The following KIF16B variants were observed in gnomAD, a reference collection of about 807,000 sequenced individuals.
KIF16B encodes kinesin-like protein KIF16B.
Under a neutral mutation model 156.3 loss-of-function variants are expected in KIF16B, and 98 were observed. The ratio of observed to expected loss-of-function variants is 0.63; its 90% CI spans 0.53 to 0.74. KIF16B has a LOEUF of 0.74. Among genes scored for constraint, KIF16B ranks in the 30% least tolerant of loss-of-function variants. KIF16B has a pLI of 0.00. For missense variants in KIF16B, 1,421 were observed against 1,606.5 expected, an observed-to-expected ratio of 0.88 and a Z score of 1.97; for synonymous variants, 564 against 583.7, an observed-to-expected ratio of 0.97 and a Z score of 0.49.
chr20:16,318,034 T>A (rs950402940), intron 24 of KIF16B, among the ~76,000 whole-genome samples: 1 of 151,946 alleles, frequency 6.6e-6, no homozygotes, highest in Non-Finnish European at 1.5e-5. Flanking sequence ...AAGGAAAAAA[T>A]TGGTGAAAAC....
rs1468719344 is a variant in KIF16B, at chr20:16,427,207, G to A, written c.1509C>T (p.Cys503=). 1 of 1,612,864 alleles carries A rather than the reference G, an allele frequency of 6.2e-7. No individual in the cohort carries two copies. Among genetic ancestry groups the A allele is most frequent in the South Asian group, 1.1e-5 (1 of 90,920 alleles). ...CTGTCCCCCCGATATTTTCAAAGAT[G>A]CAATGCTCACTCTCCAAGTCAAGGC... is the stretch of plus-strand genomic sequence containing the variant. ...LHGLDLESEH[C]IFENIGGTVT... The change falls in exon 15 of 26, where the codon TGC becomes TGT. Residue 503 remains cysteine (C), a synonymous_variant. Transcript: ENST00000354981.
chr20:16,293,854 C>CCT (rs2063345647), intron 25 of KIF16B, among the ~76,000 whole-genome samples: 1 of 152,116 alleles, frequency 6.6e-6, no homozygotes, highest in African/African-American at 2.4e-5. Flanking sequence ...TCACCACAGT[C>CCT]CTGACTCAGT....
chr20:16,275,574 T>C (rs886235887), intron 25 of KIF16B, among the ~76,000 whole-genome samples: 14 of 152,190 alleles, frequency 9.2e-5, no homozygotes, highest in African/African-American at 3.4e-4. Flanking sequence ...AGGCTAGTAA[T>C]CTAGAGAGAA....
chr20:16,459,808 T>A (rs912503318), intron 12 of KIF16B, among the ~76,000 whole-genome samples: 1 of 152,204 alleles, frequency 6.6e-6, no homozygotes, highest in African/African-American at 2.4e-5. Flanking sequence ...GAATCTCATA[T>A]GAGTGAAAGT....
chr20:16,561,012 G>A (rs995580186), intron 1 of KIF16B, among the ~76,000 whole-genome samples: 3 of 151,546 alleles, frequency 2.0e-5, no homozygotes, highest in South Asian at 2.1e-4. Context: ...TAGAGAGGCC[G>A]GGCGCAGTGG....
chr20:16,329,117 G>A (rs2063906023), intron 24 of KIF16B, among the ~76,000 whole-genome samples: 1 of 152,194 alleles, frequency 6.6e-6, no homozygotes. Context: ...CCAGCCTCAT[G>A]TCATCCAACT....
intron 12 of KIF16B, among the ~76,000 whole-genome samples, chr20:16,436,137 A>AT (rs542239979): frequency 1.4e-5 from 2 of 148,090 alleles, no homozygotes; most frequent in East Asian, 2.0e-4. Flanking sequence ...ATTGTTCTAC[A>AT]TTTTTTTCAT....
chr20:16,330,492 T>C (rs1192248107), intron 24 of KIF16B, among the ~76,000 whole-genome samples: 1 of 152,206 alleles, frequency 6.6e-6, no homozygotes, highest in Non-Finnish European at 1.5e-5. Context: ...TAAGCAATTA[T>C]CAGATTTCTT....
chr20:16,442,363 T>C (rs1421874903), intron 12 of KIF16B, among the ~76,000 whole-genome samples: 1 of 151,500 alleles, frequency 6.6e-6, no homozygotes, highest in Non-Finnish European at 1.5e-5. Flanking sequence ...TATATATATA[T>C]ATATAAAATA....
At chr20:16,326,019 G>A (rs1052948472) in intron 24 of KIF16B, among the ~76,000 whole-genome samples, 1 of 152,034 alleles carries the variant, frequency 6.6e-6, no homozygotes, top group Non-Finnish European at 1.5e-5. Flanking sequence ...ACTGATCTTT[G>A]ACAAAGCAAA....
At chr20:16,438,654 C>T (rs1045809400) in intron 12 of KIF16B, among the ~76,000 whole-genome samples, 7 of 152,238 alleles carry the variant, frequency 4.6e-5, no homozygotes, top group Admixed American at 4.6e-4. Flanking sequence ...GTCAGTGAAG[C>T]TCTGTCAACT....
rs199571075 is a variant in KIF16B at position 16,378,979 on chromosome 20, G to A, written c.3023C>T (p.Ala1008Val). The change falls in exon 19 of 26, where the codon GCC becomes GTC. Residue 1008 changes from alanine (A) to valine (V), a missense_variant. Ala to Val is a moderately conservative substitution (Grantham distance 64). Transcript: ENST00000354981. ...EKQQREALER[A>V]LARLERRHSA... ...ATGTCTCCTCTCCAGCCTGGCCAGG[G>A]CCCGCTCCAGCGCCTCTCTCTGCTG... 1.2e-6 allele frequency: 2 copies of A among 1,614,104 alleles called. No homozygotes were observed. Among genetic ancestry groups the A allele is most frequent in the East Asian group, 2.2e-5 (1 of 44,866 alleles).
chr20:16,284,692 A>G (rs2063197406), intron 25 of KIF16B, among the ~76,000 whole-genome samples: 1 of 152,140 alleles, frequency 6.6e-6, no homozygotes, highest in East Asian at 1.9e-4. Flanking sequence ...TTACAACGGC[A>G]CCGGGGGGTC....
At chr20:16,359,745 T>C (rs1411758785) in intron 22 of KIF16B, among the ~76,000 whole-genome samples, 1 of 152,034 alleles carries the variant, frequency 6.6e-6, no homozygotes, top group Non-Finnish European at 1.5e-5. Context: ...GAGTAGATCT[T>C]ATAATATTAC....
chr20:16,508,084 T>A lies in KIF16B; in HGVS notation c.573A>T (p.Leu191Phe). Reference sequence around the variant, plus strand: ...CTTCTACGTCACCATAATTCTGTACTAAATGTTTGGATAAATCTGAAAAAG... The same window carrying A: ...CTTCTACGTCACCATAATTCTGTACAAAATGTTTGGATAAATCTGAAAAAG... ...GPYVEDLSKHLVQNYGDVEEL... is the reference protein window; with the variant it reads ...GPYVEDLSKHFVQNYGDVEEL... The change falls in exon 7 of 26, where the codon TTA (leucine) becomes TTT (phenylalanine). Residue 191 changes from leucine to phenylalanine, a missense_variant. Coordinates refer to ENST00000354981, the MANE Select transcript of KIF16B (RefSeq NM_024704.5). 6.2e-7 allele frequency: 1 copy of A among 1,614,048 alleles called. No individual in the cohort carries two copies. Among genetic ancestry groups the A allele is most frequent in the Non-Finnish European group, 8.5e-7 (1 of 1,179,960 alleles).
chr20:16,467,725 A>G (rs2067534234), intron 12 of KIF16B, among the ~76,000 whole-genome samples: 3 of 151,924 alleles, frequency 2.0e-5, no homozygotes, highest in African/African-American at 4.8e-5. Context: ...GGGGGAAAAA[A>G]AAAACCCGGC....
intron 15 of KIF16B, among the ~76,000 whole-genome samples, chr20:16,419,309 G>A (rs578065796): frequency 6.6e-6 from 1 of 152,104 alleles, no homozygotes; most frequent in Non-Finnish European, 1.5e-5. Context: ...AGTCAGTGAA[G>A]GAACAGACAC....
chr20:16,567,528 A>C (rs2071297321), intron 1 of KIF16B, among the ~76,000 whole-genome samples: 1 of 152,188 alleles, frequency 6.6e-6, no homozygotes, highest in Non-Finnish European at 1.5e-5. Flanking sequence ...AGGCAACGTC[A>C]CTACATAAAG....
At chr20:16,455,289 T>G (rs1204995570) in intron 12 of KIF16B, among the ~76,000 whole-genome samples, 1 of 151,874 alleles carries the variant, frequency 6.6e-6, no homozygotes, top group Non-Finnish European at 1.5e-5. Flanking sequence ...CAAGTGATCC[T>G]CTTGCCTCAG....
Sources: gnomAD v4.1 joint callset for allele counts (sites outside exome capture counted in the v4.1 genomes callset) on GRCh38, gnomAD v4.1.1 for gene constraint, MANE v1.5 for transcripts, NCBI Gene and HGNC (gene_info 2026-07-23, HGNC 2026-07-21) for gene names.